Variants in SLC35F1 observed in about 807,000 individuals in gnomAD.
SLC35F1 encodes solute carrier family 35 member F1, also known as chromosome 6 open reading frame 169.
SLC35F1 carries 14 observed loss-of-function variants against 48.7 expected under a neutral mutation model. The observed-to-expected ratio is 0.29, with a 90% confidence interval of 0.19 to 0.45. The LOEUF (loss-of-function observed/expected upper bound fraction) is 0.45. SLC35F1 is among the 20% of genes least tolerant of loss of function. The probability of loss-of-function intolerance (pLI) is 1.00; values close to 1 mark genes in which losing one functional copy is unlikely to be tolerated. For missense variants in SLC35F1, 404 were observed against 500.0 expected (o/e 0.81, Z 1.83); for synonymous variants, 190 against 202.2 (o/e 0.94, Z 0.51).
chr6:118,218,313 A>G lies in SLC35F1; in HGVS notation c.350-17196A>G, dbSNP rs574446450. 6.2e-4 allele frequency among the ~76,000 whole-genome samples: 94 copies of G among 152,234 alleles called. 3 individuals are homozygous for G. The South Asian group carries it at 0.019, about 30-fold the overall frequency. On this transcript the variant is annotated intron_variant, in intron 2 of 7. Coordinates refer to ENST00000360388, the MANE Select transcript of SLC35F1 (RefSeq NM_001029858.4). ...AGAAGCTTCATTTCTCAGCTAGAGG[A>G]CTATCTACAACCTTCAGGCACCCTT...
intron 2 of SLC35F1, among the ~76,000 whole-genome samples, chr6:118,182,519 A>AGAAGGAAG (rs10529265): frequency 0.16 from 17,341 of 106,182 alleles, 1,945 homozygotes; most frequent in East Asian, 0.23. Context: ...AGAGAGAGAG[A>AGAAGGAAG]GAAGGAAGGA....
At chr6:118,273,508 G>A (rs1775883965) in intron 4 of SLC35F1, among the ~76,000 whole-genome samples, 1 of 152,126 alleles carries the variant, frequency 6.6e-6, no homozygotes, top group Admixed American at 6.5e-5. Flanking sequence ...TGAGTGAAGA[G>A]ACTGGATCAT....
intron 1 of SLC35F1, among the ~76,000 whole-genome samples, chr6:117,915,398 A>G (rs1454553808): frequency 6.6e-6 from 1 of 152,200 alleles, no homozygotes; most frequent in East Asian, 1.9e-4. Flanking sequence ...TTGTAAAACC[A>G]CAGAGGAGGG....
chr6:118,223,830 G>A (rs1775182059), intron 2 of SLC35F1, among the ~76,000 whole-genome samples: 1 of 152,174 alleles, frequency 6.6e-6, no homozygotes, highest in Admixed American at 6.5e-5. Context: ...AGTGCAGGCT[G>A]GCACCTTCTG....
chr6:118,255,448 G>A (rs533377747), intron 3 of SLC35F1, among the ~76,000 whole-genome samples: 44 of 152,254 alleles, frequency 2.9e-4, no homozygotes, highest in African/African-American at 7.9e-4. Flanking sequence ...GGAGGATCTT[G>A]CCCCCAGGAC....
intron 1 of SLC35F1, among the ~76,000 whole-genome samples, chr6:118,051,180 G>T (rs972519209): frequency 6.6e-6 from 1 of 152,128 alleles, no homozygotes; most frequent in Non-Finnish European, 1.5e-5. Flanking sequence ...TATCTGGATT[G>T]TCGACTTTTA....
At chr6:118,142,683 C>T (rs75897832) in intron 1 of SLC35F1, among the ~76,000 whole-genome samples, 3,665 of 152,146 alleles carry the variant, frequency 0.024, 157 homozygotes, top group African/African-American at 0.084. Flanking sequence ...AAGACCTTTT[C>T]GTCTAGAATA....
chr6:118,231,434 A>G (rs1775291772), intron 2 of SLC35F1, among the ~76,000 whole-genome samples: 1 of 152,162 alleles, frequency 6.6e-6, no homozygotes, highest in Admixed American at 6.5e-5. Flanking sequence ...ATGTATTTTC[A>G]TTATTCTAGA....
chr6:117,924,421 A>C lies in SLC35F1; in HGVS notation c.173+16522A>C, dbSNP rs1019849337. On this transcript the variant is annotated intron_variant, in intron 1 of 7. Coordinates refer to ENST00000360388, the MANE Select transcript of SLC35F1 (RefSeq NM_001029858.4). ...TAGGTACACATGCATATGTATATATACACATACGCATAACACATATATACA... is the reference window on the plus strand; with the variant it reads ...TAGGTACACATGCATATGTATATATCCACATACGCATAACACATATATACA... 4.2e-5 allele frequency among the ~76,000 whole-genome samples: 5 copies of C among 120,308 alleles called. 1 individual carries two copies. Among genetic ancestry groups the C allele is most frequent in the African/African-American group, 6.9e-5 (2 of 29,038 alleles). 78.9% of individuals were successfully genotyped at this position (120,308 alleles called of 152,430 possible).
chr6:118,183,325 C>T (rs1043316831), intron 2 of SLC35F1, among the ~76,000 whole-genome samples: 12 of 151,956 alleles, frequency 7.9e-5, no homozygotes, highest in African/African-American at 2.9e-4. Context: ...TTATTGACAA[C>T]ACAGAATAAA....
At chr6:117,976,865 T>G (rs1440868123) in intron 1 of SLC35F1, among the ~76,000 whole-genome samples, 1 of 152,220 alleles carries the variant, frequency 6.6e-6, no homozygotes, top group Non-Finnish European at 1.5e-5. Context: ...TCCACTGTTT[T>G]CATGTATAAT....
intron 1 of SLC35F1, among the ~76,000 whole-genome samples, chr6:118,114,899 A>G (rs1045788650): frequency 2.0e-5 from 3 of 152,168 alleles, no homozygotes; most frequent in Admixed American, 6.5e-5. Context: ...ATTTCTATAT[A>G]ATTGCATCAC....
Position 118,314,899 on chromosome 6 carries a change from A to T in SLC35F1, c.*647A>T, listed in dbSNP as rs1776413704. 6.5e-6 allele frequency: 1 copy of T among 152,960 alleles called. No homozygotes were observed. The highest frequency in any genetic ancestry group is 2.4e-5 in the African/African-American group (1 of 41,414). 9.5% of individuals were successfully genotyped at this position (152,960 alleles called of 1,614,324 possible). On this transcript the variant is annotated 3_prime_UTR_variant, in exon 8 of 8. Transcript: ENST00000360388. ...TTCTAGGAATAGATATAAAAGAAAC[A>T]TTTTAGCCTTTTTATATTTCGATCT...
At chr6:117,978,722 C>T (rs1345265517) in intron 1 of SLC35F1, among the ~76,000 whole-genome samples, 1 of 152,186 alleles carries the variant, frequency 6.6e-6, no homozygotes, top group Non-Finnish European at 1.5e-5. Context: ...AGCCCCATTT[C>T]CTCATCTAGA....
intron 1 of SLC35F1, among the ~76,000 whole-genome samples, chr6:118,151,678 G>C (rs1012996722): frequency 6.6e-6 from 1 of 151,884 alleles, no homozygotes; most frequent in Non-Finnish European, 1.5e-5. Context: ...ACCACACCTG[G>C]GTAATTTTTT....
intron 6 of SLC35F1, 89 bp from the exon 7 acceptor site, chr6:118,285,095 T>G: frequency 7.2e-7 from 1 of 1,383,160 alleles, no homozygotes; most frequent in Non-Finnish European, 1.0e-6. Flanking sequence ...TGACAAGTGG[T>G]GTGCACTCTT....
Position 118,314,129 on chromosome 6 carries a change from G to A in SLC35F1, c.1104G>A (p.Lys368=), listed in dbSNP as rs367657419. ...TYIAQDPRVY[K]QFRNPSGPVV... Reference sequence around the variant, plus strand: ...TAGCCCAGGACCCCCGAGTGTATAAGCAGTTCCGCAATCCTTCAGGACCTG... The same window carrying A: ...TAGCCCAGGACCCCCGAGTGTATAAACAGTTCCGCAATCCTTCAGGACCTG... The change falls in exon 8 of 8, where the codon AAG becomes AAA. Residue 368 remains lysine, a synonymous_variant. Transcript: ENST00000360388. 1.5e-5 allele frequency: 25 copies of A among 1,614,046 alleles called. No individual in the cohort carries two copies. The African/African-American group carries it at 2.3e-4, about 15-fold the overall frequency.
intron 1 of SLC35F1, among the ~76,000 whole-genome samples, chr6:117,914,921 G>T (rs982348349): frequency 6.6e-6 from 1 of 151,940 alleles, no homozygotes; most frequent in African/African-American, 2.4e-5. Context: ...AAAAAAAAGA[G>T]GAACAGCTAT....
intron 1 of SLC35F1, among the ~76,000 whole-genome samples, chr6:118,090,001 T>C (rs1426655081): frequency 6.6e-6 from 1 of 152,216 alleles, no homozygotes; most frequent in African/African-American, 2.4e-5. Flanking sequence ...TGCCTTAAAA[T>C]CTGTCTAGAT....
Sources: allele counts gnomAD v4.1 joint callset (sites outside exome capture counted in the v4.1 genomes callset), GRCh38; gene constraint gnomAD v4.1.1; transcripts MANE v1.5; gene names NCBI Gene and HGNC (gene_info 2026-07-23, HGNC 2026-07-21).